The following SLC25A28 variants were observed in gnomAD, a reference collection of about 807,000 sequenced individuals.
SLC25A28 encodes the protein solute carrier family 25 member 28.
In SLC25A28, 10 loss-of-function variants were observed where a neutral mutation model predicts 31.9. The observed-to-expected ratio is 0.31, with a 90% CI of 0.19 to 0.53. The LOEUF (loss-of-function observed/expected upper bound fraction) is 0.53, where lower values mean the gene tolerates loss of function less well. SLC25A28 is among the 20% of genes least tolerant of loss of function. The pLI is 0.95. For synonymous variants in SLC25A28, 208 were observed against 203.6 expected (o/e 1.02, Z -0.19); for missense variants, 256 against 490.3 (o/e 0.52, Z 4.51).
intron 1 of SLC25A28, among the ~76,000 whole-genome samples, 193 bp downstream of exon 1, chr10:99,619,852 C>T (rs971093133): frequency 2.3e-4 from 35 of 152,218 alleles, no homozygotes; most frequent in African/African-American, 8.0e-4. Context: ...GAAATAGGTC[C>T]TGGTTCCTGA....
the SLC25A28 span, among the ~76,000 whole-genome samples, chr10:99,628,145 T>C: frequency 6.6e-6 from 1 of 152,204 alleles, no homozygotes; most frequent in African/African-American, 2.4e-5. Context: ...TATGGCAAGG[T>C]TTGTGGCCTA....
chr10:99,656,702 G>C, the SLC25A28 span, among the ~76,000 whole-genome samples: 1 of 152,210 alleles, frequency 6.6e-6, no homozygotes, highest in Admixed American at 6.5e-5. Flanking sequence ...ATTTTGCTCA[G>C]GGCTGGGCAT....
At chr10:99,615,726 C>T (rs1473884698) in intron 1 of SLC25A28, 3 of 985,224 alleles carry the variant, frequency 3.0e-6, no homozygotes, top group African/African-American at 3.5e-5. Context: ...ATAGAGACTA[C>T]GGGTCATATG....
chr10:99,622,208 G>A (rs919435817), upstream of SLC25A28, among the ~76,000 whole-genome samples: 1 of 152,160 alleles, frequency 6.6e-6, no homozygotes, highest in Non-Finnish European at 1.5e-5. Flanking sequence ...GGGTATGGTG[G>A]TGTGCACCTG....
upstream of SLC25A28, chr10:99,621,076 C>G (rs978528621): frequency 2.2e-5 from 17 of 771,476 alleles, no homozygotes; most frequent in Non-Finnish European, 2.7e-5. Context: ...CCGGTCATCC[C>G]TGGCTGGCGC....
At chr10:99,619,099 G>C in intron 1 of SLC25A28, 1 of 985,306 alleles carries the variant, frequency 1.0e-6, no homozygotes, top group Non-Finnish European at 1.2e-6. Flanking sequence ...ACAATAATCT[G>C]TTTCTTTCTT....
upstream of SLC25A28, chr10:99,620,687 CTT>C: frequency 2.0e-6 from 2 of 986,530 alleles, no homozygotes; most frequent in Non-Finnish European, 2.4e-6. Context: ...CCGCCTCTGA[CTT>C]TTAGAAGGGC....
chr10:99,635,842 A>C, the SLC25A28 span, among the ~76,000 whole-genome samples: 1 of 152,232 alleles, frequency 6.6e-6, no homozygotes, highest in South Asian at 2.1e-4. Flanking sequence ...GACAAAACAA[A>C]CTTTAAAGCA....
chr10:99,657,014 A>T, the SLC25A28 span, among the ~76,000 whole-genome samples: 1 of 152,242 alleles, frequency 6.6e-6, no homozygotes, highest in African/African-American at 2.4e-5. Context: ...CAGACTGACA[A>T]AGAAAGTTTT....
At chr10:99,627,730 C>T in the SLC25A28 span, among the ~76,000 whole-genome samples, 2 of 152,166 alleles carry the variant, frequency 1.3e-5, no homozygotes, top group South Asian at 2.1e-4. Context: ...CATGAGCTAC[C>T]GTACCCTGCC....
chr10:99,621,438 A>C (rs1381535183), upstream of SLC25A28: 1 of 152,440 alleles, frequency 6.6e-6, no homozygotes, highest in Admixed American at 6.5e-5. Flanking sequence ...CAAAGGCAGC[A>C]GGGAAGTGCG....
upstream of SLC25A28, chr10:99,620,874 G>T (rs369509272): frequency 2.0e-4 from 200 of 985,494 alleles, no homozygotes; most frequent in African/African-American, 3.2e-3. Context: ...CGGTCCCTGT[G>T]CGCGGGATCG....
chr10:99,620,824 G>C, upstream of SLC25A28: 2 of 985,476 alleles, frequency 2.0e-6, no homozygotes, highest in Non-Finnish European at 2.4e-6. Context: ...AGGGACTCTA[G>C]GGGCCGACTT....
At chr10:99,645,487 G>A in the SLC25A28 span, among the ~76,000 whole-genome samples, 135,789 of 152,218 alleles carry the variant, frequency 0.89, 60,680 homozygotes, top group African/African-American at 0.94. Flanking sequence ...CTACTTTGCG[G>A]TGGGTTCGAA....
At position 99,613,223 on chromosome 10, in the gene SLC25A28, G is replaced by T. The variant is rs1328322549; in HGVS notation, c.520+473C>A. On this transcript the variant is annotated intron_variant, in intron 2 of 3. Coordinates refer to ENST00000370495, the MANE Select transcript of SLC25A28 (RefSeq NM_031212.4). This position sits in a 1 kb window ranked among gnomAD's most constrained non-coding sequence, Gnocchi z 4.9. ...CCCACCCCCATTCATTTTGTCATGA[G>T]GCTTTGTCATGTTCTCAACACAAAC... Among the ~76,000 whole-genome samples, 1 of 152,144 alleles carries T rather than the reference G, an allele frequency of 6.6e-6. No individual in the cohort carries two copies. Among genetic ancestry groups the T allele is most frequent in the Admixed American group, 6.5e-5 (1 of 15,282 alleles).
At chr10:99,651,212 T>A in the SLC25A28 span, among the ~76,000 whole-genome samples, 2 of 152,174 alleles carry the variant, frequency 1.3e-5, no homozygotes, top group African/African-American at 4.8e-5. Context: ...TTAAAATATA[T>A]CTACTTACTC....
chr10:99,637,145 T>C, the SLC25A28 span, among the ~76,000 whole-genome samples: 4 of 152,116 alleles, frequency 2.6e-5, no homozygotes, highest in East Asian at 7.7e-4. Context: ...CATACACAAG[T>C]CAATAAATGT....
chr10:99,617,822 A>G, intron 1 of SLC25A28: 1 of 980,522 alleles, frequency 1.0e-6, no homozygotes, highest in Non-Finnish European at 1.2e-6. Flanking sequence ...TTGTATGACT[A>G]ATTTTTAAAA....
chr10:99,639,800 C>T, the SLC25A28 span, among the ~76,000 whole-genome samples: 1 of 151,296 alleles, frequency 6.6e-6, no homozygotes, highest in Non-Finnish European at 1.5e-5. Flanking sequence ...GAGATAATCC[C>T]ATATTTTAGG....
Sources: gnomAD v4.1 joint callset for allele counts (sites outside exome capture counted in the v4.1 genomes callset) on GRCh38, gnomAD v4.1.1 for gene constraint, Gnocchi (gnomAD v3.1) non-coding constraint, MANE v1.5 for transcripts, NCBI Gene and HGNC (gene_info 2026-07-23, HGNC 2026-07-21) for gene names.